METAP1D: variants seen among roughly 807,000 people sequenced by gnomAD.
The protein encoded by METAP1D is methionine aminopeptidase 1D, mitochondrial.
METAP1D carries 31 observed loss-of-function variants against 40.5 expected under a neutral mutation model. The observed-to-expected ratio is 0.77, with a 90% CI of 0.58 to 1.03. The LOEUF (loss-of-function observed/expected upper bound fraction) is 1.03, where lower values mean the gene tolerates loss of function less well. Among genes scored for constraint, METAP1D ranks in the 50% least tolerant of loss-of-function variants. The pLI, the probability that METAP1D is intolerant of heterozygous loss-of-function variation, is 0.00. For synonymous variants in METAP1D, 151 were observed against 146.4 expected, an observed-to-expected ratio of 1.03 and a Z score of -0.22; for missense variants, 411 against 420.7, an observed-to-expected ratio of 0.98 and a Z score of 0.20.
intron 6 of METAP1D, among the ~76,000 whole-genome samples, chr2:172,076,974 A>G (rs1690562000): frequency 6.6e-6 from 1 of 152,236 alleles, no homozygotes; most frequent in African/African-American, 2.4e-5. Flanking sequence ...AATCTTGTAG[A>G]TGAAGATTTT....
At chr2:172,062,699 T>A (rs893650027) in intron 2 of METAP1D, among the ~76,000 whole-genome samples, 1 of 152,162 alleles carries the variant, frequency 6.6e-6, no homozygotes, top group African/African-American at 2.4e-5. Context: ...AGCTCAGCTG[T>A]GGCAAACCAG....
intron 1 of METAP1D, among the ~76,000 whole-genome samples, chr2:172,023,586 G>A (rs924885771): frequency 2.6e-5 from 4 of 152,136 alleles, no homozygotes; most frequent in Non-Finnish European, 4.4e-5. Context: ...AGGACTCATC[G>A]AATGGTACCT....
chr2:172,039,084 G>T (rs562746292), intron 1 of METAP1D, among the ~76,000 whole-genome samples: 1 of 152,246 alleles, frequency 6.6e-6, no homozygotes, highest in African/African-American at 2.4e-5. Flanking sequence ...GCCTACCTAA[G>T]GAGGGTTCCC....
intron 1 of METAP1D, among the ~76,000 whole-genome samples, chr2:172,016,275 CAAAAAAAAAAA>C (rs1172458646): frequency 1.0e-4 from 1 of 9,732 alleles, no homozygotes; most frequent in Non-Finnish European, 1.8e-4. Flanking sequence ...GACCCTGTCT[CAAAAAAAAAAA>C]AAAAAAAAAA....
In METAP1D at chr2:172,035,081, G is replaced by A. The variant is rs909309599; in HGVS notation, c.41-26417G>A. ...TATTGTGAAATATGTAGAGAGAAAC[G>A]TGTAAAAGAAATATACAATTTAATG... On this transcript the variant is annotated intron_variant, in intron 1 of 9. Transcript: ENST00000315796. Among the ~76,000 whole-genome samples, 3 of 150,294 alleles carry A rather than the reference G, an allele frequency of 2.0e-5. No individual in the cohort carries two copies. The East Asian group carries it at 5.9e-4, about 29-fold the overall frequency.
At chr2:172,028,262 G>C (rs1251159702) in intron 1 of METAP1D, among the ~76,000 whole-genome samples, 1 of 152,178 alleles carries the variant, frequency 6.6e-6, no homozygotes, top group African/African-American at 2.4e-5. Context: ...TGAGAACTTG[G>C]TGAAAGAGCA....
chr2:172,059,847 G>A (rs1690093730), intron 1 of METAP1D, among the ~76,000 whole-genome samples: 1 of 152,084 alleles, frequency 6.6e-6, no homozygotes, highest in Non-Finnish European at 1.5e-5. Flanking sequence ...TCAGGAGATT[G>A]AGACCAGCAT....
At chr2:172,014,011 C>CG (rs1407230213) in intron 1 of METAP1D, among the ~76,000 whole-genome samples, 2 of 151,374 alleles carry the variant, frequency 1.3e-5, no homozygotes, top group African/African-American at 4.9e-5. Context: ...TTAGTAGAGA[C>CG]GGGGTTTCAC....
At chr2:172,021,445 C>T (rs1250266849) in intron 1 of METAP1D, among the ~76,000 whole-genome samples, 2 of 152,138 alleles carry the variant, frequency 1.3e-5, no homozygotes, top group Admixed American at 1.3e-4. Context: ...GTAAGCTAAA[C>T]GAGTGATGAG....
In METAP1D at chr2:172,044,369, G is replaced by A. The variant is rs541863241; in HGVS notation, c.41-17129G>A. ...AGGTCATGAGATCAAGACCATCCTG[G>A]CAAACATGGTGAAACCCTGTCTCTC... On this transcript the variant is annotated intron_variant, in intron 1 of 9. Transcript: ENST00000315796. 1.9e-5 allele frequency among the ~76,000 whole-genome samples: 2 copies of A among 105,506 alleles called. 1 individual carries two copies. Among genetic ancestry groups the A allele is most frequent in the Non-Finnish European group, 4.1e-5 (2 of 48,320 alleles). The allele number at this position is 105,506 out of a possible 152,430, so 69.2% of individuals were successfully genotyped here. A position where few individuals can be genotyped will look rare whatever the true frequency, so the allele number is the denominator to read the frequency against.
chr2:172,079,906 A>C (rs1434315952), intron 8 of METAP1D, among the ~76,000 whole-genome samples: 6 of 152,222 alleles, frequency 3.9e-5, no homozygotes, highest in African/African-American at 1.4e-4. Flanking sequence ...AGGCAACTTC[A>C]TACATTTTGA....
intron 1 of METAP1D, among the ~76,000 whole-genome samples, chr2:172,046,812 G>GA (rs1157360774): frequency 3.9e-5 from 6 of 152,174 alleles, no homozygotes; most frequent in Non-Finnish European, 5.9e-5. Context: ...ATTTATAGCT[G>GA]AAACTATTTC....
At chr2:172,057,159 T>G (rs1362367154) in intron 1 of METAP1D, among the ~76,000 whole-genome samples, 1 of 152,174 alleles carries the variant, frequency 6.6e-6, no homozygotes, top group Non-Finnish European at 1.5e-5. Context: ...TGAGCCTTAG[T>G]TCCTCATCTA....
rs567888331 is a variant in METAP1D at position 172,047,364 on chromosome 2, G to A, written c.41-14134G>A. On this transcript the variant is annotated intron_variant, in intron 1 of 9. Transcript: ENST00000315796. ...ATTCTTACAAACTGAGGTTACCAAGGGCAACGTTAAAGTTTATGGCTAAGC... is the reference window on the plus strand; with the variant it reads ...ATTCTTACAAACTGAGGTTACCAAGAGCAACGTTAAAGTTTATGGCTAAGC... 1.4e-4 allele frequency among the ~76,000 whole-genome samples: 22 copies of A among 152,164 alleles called. No homozygotes were observed. In the South Asian group the frequency reaches 3.5e-3, roughly 24 times the overall value.
chr2:172,005,570 CTCTG>C (rs1688561948), intron 1 of METAP1D, among the ~76,000 whole-genome samples: 1 of 90,216 alleles, frequency 1.1e-5, no homozygotes, highest in South Asian at 3.9e-4. Context: ...TTGAGAGTCT[CTCTG>C]TCACCCAGGC....
chr2:172,041,102 C>G (rs1291643110), intron 1 of METAP1D, among the ~76,000 whole-genome samples: 1 of 152,008 alleles, frequency 6.6e-6, no homozygotes, highest in South Asian at 2.1e-4. Context: ...CCACAGTATA[C>G]AAGAACTGAA....
chr2:172,045,483 A>G (rs1368749281), intron 1 of METAP1D, among the ~76,000 whole-genome samples: 1 of 133,702 alleles, frequency 7.5e-6, no homozygotes, highest in Non-Finnish European at 1.7e-5. Context: ...CAACATGGAG[A>G]AACCCCGTCT....
intron 1 of METAP1D, among the ~76,000 whole-genome samples, chr2:172,048,024 G>GT (rs1689800559): frequency 1.3e-5 from 2 of 152,146 alleles, no homozygotes; most frequent in South Asian, 4.1e-4. Context: ...TAGGCTGTCC[G>GT]TAATTCATCC....
intron 5 of METAP1D, among the ~76,000 whole-genome samples, chr2:172,067,168 A>G (rs1204029819): frequency 6.6e-6 from 1 of 152,250 alleles, no homozygotes; most frequent in Non-Finnish European, 1.5e-5. Context: ...ATGATTAACA[A>G]ATACATTTTA....
Sources: gnomAD v4.1 joint callset for allele counts (sites outside exome capture counted in the v4.1 genomes callset) on GRCh38, gnomAD v4.1.1 for gene constraint, MANE v1.5 for transcripts, NCBI Gene and HGNC (gene_info 2026-07-23, HGNC 2026-07-21) for gene names.